The following CALN1 variants were observed in gnomAD, a reference collection of about 807,000 sequenced individuals.
CALN1 encodes the protein calcium-binding protein 8.
Under a neutral mutation model 30.6 loss-of-function variants are expected in CALN1, and 17 were observed. The ratio of observed to expected loss-of-function variants is 0.56; its 90% confidence interval spans 0.38 to 0.83. The LOEUF (loss-of-function observed/expected upper bound fraction) is 0.83, where lower values mean the gene tolerates loss of function less well. Ranked by LOEUF, CALN1 falls within the 40% of genes least tolerant of loss-of-function variation. The pLI is 0.00. For synonymous variants in CALN1, 156 were observed against 131.4 expected (o/e 1.19, Z -1.28); for missense variants, 291 against 354.9 (o/e 0.82, Z 1.45).
intron 4 of CALN1, among the ~76,000 whole-genome samples, chr7:72,028,884 G>C (rs910409306): frequency 2.6e-5 from 4 of 152,016 alleles, no homozygotes; most frequent in Admixed American, 2.0e-4. Context: ...CCAGCTACTT[G>C]GTAGGCTGAG....
intron 3 of CALN1, among the ~76,000 whole-genome samples, chr7:72,209,109 CTCTTT>C (rs1792129808): frequency 7.3e-6 from 1 of 137,374 alleles, no homozygotes; most frequent in Admixed American, 7.4e-5. Context: ...TGTCATTTCT[CTCTTT>C]TTTACTCCTT....
chr7:72,357,480 A>C (rs542053838), intron 2 of CALN1, among the ~76,000 whole-genome samples: 5 of 151,920 alleles, frequency 3.3e-5, no homozygotes, highest in Non-Finnish European at 7.4e-5. Flanking sequence ...AAAGGTAGAG[A>C]AAAGTGTGTG....
At chr7:72,169,311 A>C (rs1788766810) in intron 3 of CALN1, among the ~76,000 whole-genome samples, 1 of 151,520 alleles carries the variant, frequency 6.6e-6, no homozygotes, top group African/African-American at 2.4e-5. Context: ...TTGCTTTGTT[A>C]GTTTTTATGG....
chr7:72,080,684 G>A (rs1214609897), intron 4 of CALN1, among the ~76,000 whole-genome samples: 1 of 152,092 alleles, frequency 6.6e-6, no homozygotes, highest in Non-Finnish European at 1.5e-5. Flanking sequence ...GCTAGGAGGG[G>A]TGGGTTTCCA....
At chr7:72,169,489 AT>A (rs768976671) in intron 3 of CALN1, among the ~76,000 whole-genome samples, 69 of 86,746 alleles carry the variant, frequency 8.0e-4, no homozygotes, top group South Asian at 2.2e-3. Context: ...CCAGCTGATT[AT>A]TTTTTTTTTT....
intron 3 of CALN1, among the ~76,000 whole-genome samples, chr7:72,148,388 C>T (rs1786942426): frequency 6.8e-6 from 1 of 146,538 alleles, no homozygotes; most frequent in African/African-American, 2.5e-5. Context: ...GGCAACATAG[C>T]AAGACCCCAT....
At chr7:72,385,908 T>C (rs1281807786) in intron 2 of CALN1, among the ~76,000 whole-genome samples, 1 of 152,242 alleles carries the variant, frequency 6.6e-6, no homozygotes, top group African/African-American at 2.4e-5. Context: ...TATTTATACA[T>C]TACCCAGTCT....
At chr7:72,227,049 A>C (rs1037034515) in intron 3 of CALN1, among the ~76,000 whole-genome samples, 6 of 151,960 alleles carry the variant, frequency 3.9e-5, no homozygotes, top group African/African-American at 1.5e-4. Flanking sequence ...AACAAGACAG[A>C]AAAGTAAAGA....
At chr7:71,992,864 C>T (rs554576387) in intron 5 of CALN1, among the ~76,000 whole-genome samples, 53 of 152,152 alleles carry the variant, frequency 3.5e-4, no homozygotes, top group Non-Finnish European at 5.1e-4. Flanking sequence ...AAGCCAATCA[C>T]GATCACTGGC....
At chr7:71,801,026 A>C (rs1787268597) in intron 6 of CALN1, among the ~76,000 whole-genome samples, 1 of 151,872 alleles carries the variant, frequency 6.6e-6, no homozygotes, top group Admixed American at 6.6e-5. Context: ...ATGTGTTCTC[A>C]TTATTCAACT....
chr7:72,153,995 C>T (rs544924318), intron 3 of CALN1, among the ~76,000 whole-genome samples: 19 of 152,038 alleles, frequency 1.2e-4, no homozygotes, highest in Non-Finnish European at 2.2e-4. Context: ...GGACACTGGC[C>T]CAGAGTAACT....
the CALN1 span, among the ~76,000 whole-genome samples, chr7:72,491,236 A>C: frequency 2.0e-5 from 3 of 151,646 alleles, no homozygotes; most frequent in Middle Eastern, 3.4e-3. Context: ...CAAAAAAAAA[A>C]AAAACAAAAA....
chr7:72,374,137 G>T (rs191931145), intron 2 of CALN1, among the ~76,000 whole-genome samples: 3 of 152,302 alleles, frequency 2.0e-5, no homozygotes, highest in Non-Finnish European at 4.4e-5. Flanking sequence ...CAGACAGAAG[G>T]TGAATGATAC....
chr7:71,993,174 G>T (rs1358252208), intron 5 of CALN1, among the ~76,000 whole-genome samples: 1 of 152,170 alleles, frequency 6.6e-6, no homozygotes, highest in Non-Finnish European at 1.5e-5. Context: ...ATGTAAAGTG[G>T]AAGACGGAGG....
At chr7:71,993,316 A>G (rs1423306387) in intron 5 of CALN1, among the ~76,000 whole-genome samples, 1 of 152,082 alleles carries the variant, frequency 6.6e-6, no homozygotes, top group Non-Finnish European at 1.5e-5. Context: ...CTCACTTATT[A>G]TATCTCTTAG....
intron 3 of CALN1, among the ~76,000 whole-genome samples, chr7:72,269,807 AAG>A (rs1329985331): frequency 6.6e-6 from 1 of 152,246 alleles, no homozygotes; most frequent in Non-Finnish European, 1.5e-5. Context: ...GCAAAGAAAA[AAG>A]AAAATCTGAC....
At chr7:72,022,650 TCC>T (rs1018114139) in intron 5 of CALN1, among the ~76,000 whole-genome samples, 4 of 152,168 alleles carry the variant, frequency 2.6e-5, no homozygotes, top group Non-Finnish European at 4.4e-5. Context: ...TGTCTTGGCC[TCC>T]CAAAGCACTG....
intron 4 of CALN1, among the ~76,000 whole-genome samples, chr7:72,058,512 T>C (rs916732325): frequency 1.3e-5 from 2 of 151,668 alleles, no homozygotes; most frequent in Non-Finnish European, 2.9e-5. Context: ...AGAGATGGGG[T>C]TTCACCATGT....
intron 3 of CALN1, among the ~76,000 whole-genome samples, chr7:72,152,446 G>A (rs530521188): frequency 2.0e-4 from 31 of 152,268 alleles, no homozygotes; most frequent in African/African-American, 6.7e-4. Context: ...TGGTGCGAGA[G>A]AGCAACACAT....
Sources: gnomAD v4.1 joint callset for allele counts (sites outside exome capture counted in the v4.1 genomes callset) on GRCh38, gnomAD v4.1.1 for gene constraint, MANE v1.5 for transcripts, NCBI Gene and HGNC (gene_info 2026-07-23, HGNC 2026-07-21) for gene names.